The following ITGAE variants were observed in gnomAD, a reference collection of about 807,000 sequenced individuals.
The protein encoded by ITGAE is integrin subunit alpha E.
In ITGAE, 99 loss-of-function variants were observed where a neutral mutation model predicts 136.5. The ratio of observed to expected loss-of-function variants is 0.73; its 90% CI spans 0.62 to 0.86. The LOEUF (loss-of-function observed/expected upper bound fraction) is 0.86. Among genes scored for constraint, ITGAE ranks in the 40% least tolerant of loss-of-function variants. The pLI, the probability that ITGAE is intolerant of heterozygous loss-of-function variation, is 0.00. For missense variants in ITGAE, 1,447 were observed against 1,515.3 expected, an observed-to-expected ratio of 0.95 and a Z score of 0.75; for synonymous variants, 613 against 591.8, an observed-to-expected ratio of 1.04 and a Z score of -0.52.
At chr17:3,776,585 G>A (rs2052545031) in intron 2 of ITGAE, among the ~76,000 whole-genome samples, 1 of 152,100 alleles carries the variant, frequency 6.6e-6, no homozygotes, top group African/African-American at 2.4e-5. Context: ...TAGTTTCAGG[G>A]TTTTTGTTCT....
chr17:3,727,651 G>A (rs1234032795), intron 26 of ITGAE, among the ~76,000 whole-genome samples: 2 of 151,952 alleles, frequency 1.3e-5, no homozygotes, highest in Non-Finnish European at 2.9e-5. Flanking sequence ...CACCCGCCTC[G>A]GCCTCCCAAA....
chr17:3,739,797 C>T lies in ITGAE; in HGVS notation c.2522+8G>A, dbSNP rs749413240. 1 of 1,613,198 alleles carries T rather than the reference C, an allele frequency of 6.2e-7. No homozygotes were observed. The highest frequency in any genetic ancestry group is 1.1e-5 in the South Asian group (1 of 91,072). On this transcript the variant is annotated splice_region_variant and intron_variant, in intron 20 of 30. Transcript: ENST00000263087. ...AATCGAGGAAACTGACGGCTATGTC[C>T]AACTCACTGAGAGACGGTGGTGGCC...
intron 26 of ITGAE, chr17:3,724,355 C>T (rs1246257599): frequency 6.3e-7 from 1 of 1,599,970 alleles, no homozygotes; most frequent in Non-Finnish European, 8.5e-7. Context: ...CCTTCCCCAG[C>T]CGCGACTCCG....
Position 3,746,028 on chromosome 17 carries a change from A to T in ITGAE, c.2156-101T>A. The T allele has an allele frequency of 2.8e-6, 3 of 1,060,496 alleles. No homozygotes were observed. The South Asian group carries it at 4.6e-5, about 16-fold the overall frequency. The allele number at this position is 1,060,496 out of a possible 1,614,324, so 65.7% of individuals were successfully genotyped here. On this transcript the variant is annotated intron_variant, in intron 17 of 30. Coordinates refer to ENST00000263087, the MANE Select transcript of ITGAE (RefSeq NM_002208.5). ...AGGTTCCTTGTGGCCCCTCCTGAAC[A>T]GTGTCCCCATGCAGGTACTTCCCTG...
chr17:3,770,286 A>C (rs539969253), intron 2 of ITGAE, among the ~76,000 whole-genome samples: 88 of 149,422 alleles, frequency 5.9e-4, no homozygotes, highest in Non-Finnish European at 1.1e-3. Context: ...TGCCCAGCTA[A>C]ATTTTTTTTT....
At chr17:3,781,657 T>C (rs1296418419) in intron 1 of ITGAE, among the ~76,000 whole-genome samples, 1 of 152,204 alleles carries the variant, frequency 6.6e-6, no homozygotes, top group Non-Finnish European at 1.5e-5. Context: ...GCCCGGTCTC[T>C]TCTTTAATTT....
Position 3,757,823 on chromosome 17 carries a change from T to G in ITGAE, c.903A>C (p.Arg301Ser). 6.2e-7 allele frequency: 1 copy of G among 1,614,128 alleles called. No homozygotes were observed. Among genetic ancestry groups the G allele is most frequent in the African/African-American group, 1.3e-5 (1 of 75,024 alleles). Residue 301 changes from arginine to serine, a missense_variant, in exon 9 of 31, where the codon AGA becomes AGC. By Grantham distance (110) the Arg-to-Ser change is moderately radical. Transcript: ENST00000263087. The stretch of plus-strand genomic sequence containing the variant: ...GCACCACCATGACCTTGGATGCCTT[T>G]CTCCTGGAGCCGTGGCTTGAGGTGA... Reference protein sequence around the residue: ...SIFTSSHGSRRKASKVMVVLT... With the variant: ...SIFTSSHGSRSKASKVMVVLT...
intron 2 of ITGAE, among the ~76,000 whole-genome samples, chr17:3,773,542 T>C (rs1433252594): frequency 2.5e-5 from 2 of 79,076 alleles, no homozygotes; most frequent in Non-Finnish European, 4.5e-5. Context: ...TAAGGCAAAG[T>C]GGGGGTGAGG....
intron 12 of ITGAE, among the ~76,000 whole-genome samples, 192 bp downstream of exon 12, chr17:3,754,925 G>A (rs1483741951): frequency 7.8e-6 from 1 of 128,354 alleles, no homozygotes; most frequent in Non-Finnish European, 1.6e-5. Flanking sequence ...CACCCAGGTA[G>A]CCCCCAGGCC....
chr17:3,733,672 C>T (rs539851055), intron 21 of ITGAE, among the ~76,000 whole-genome samples: 3 of 152,306 alleles, frequency 2.0e-5, no homozygotes, highest in South Asian at 2.1e-4. Flanking sequence ...CCGCCCGCCT[C>T]GGCCTCCCAA....
At chr17:3,726,298 C>G (rs117580626) in intron 26 of ITGAE, 1 of 1,613,658 alleles carries the variant, frequency 6.2e-7, no homozygotes, top group East Asian at 2.2e-5. Context: ...AGCTCTGCCA[C>G]TGACTTGCTC....
rs66493976 is a variant in ITGAE at position 3,765,348 on chromosome 17, C to CAAAAAA, written c.156-1394_156-1389dup. ...TGGGTGACAGAGCGAGACTCTGTCTCAAAAAAAAAAAAAAAAAAAAAAGGT... is the reference window on the plus strand; with the variant it reads ...TGGGTGACAGAGCGAGACTCTGTCTCAAAAAAAAAAAAAAAAAAAAAAAAAAAAGGT... On this transcript the variant is annotated intron_variant, in intron 2 of 30. Coordinates refer to ENST00000263087, the MANE Select transcript of ITGAE (RefSeq NM_002208.5). Among the ~76,000 whole-genome samples the CAAAAAA allele has an allele frequency of 2.4e-3, 155 of 63,750 alleles. 8 individuals are homozygous for CAAAAAA. Among genetic ancestry groups the CAAAAAA allele is most frequent in the African/African-American group, 0.01 (151 of 14,792 alleles). The allele number at this position is 63,750 out of a possible 152,430, so 41.8% of individuals were successfully genotyped here.
At chr17:3,779,185 C>G (rs953905273) in intron 1 of ITGAE, among the ~76,000 whole-genome samples, 1 of 151,994 alleles carries the variant, frequency 6.6e-6, no homozygotes, top group Non-Finnish European at 1.5e-5. Context: ...TCAGAACACA[C>G]GCAATGAATG....
Position 3,757,739 on chromosome 17 carries a change from G to A in ITGAE, c.987C>T (p.Pro329=), listed in dbSNP as rs529179741. 6.2e-7 allele frequency: 1 copy of A among 1,614,118 alleles called. No homozygotes were observed. The highest frequency in any genetic ancestry group is 2.2e-5 in the East Asian group (1 of 44,882). Residue 329 remains proline, a synonymous_variant, in exon 9 of 31, where the codon CCC becomes CCT. Coordinates refer to ENST00000263087, the MANE Select transcript of ITGAE (RefSeq NM_002208.5). ...CAAAGCGCTCAACACCCTGCATTTT[G>A]GGGGAGTTGATGACTGTCGTAAGGT... ...PLNLTTVINS[P]KMQGVERFAI...
chr17:3,774,322 G>A (rs949184003), intron 2 of ITGAE, among the ~76,000 whole-genome samples: 1 of 152,166 alleles, frequency 6.6e-6, no homozygotes, highest in Non-Finnish European at 1.5e-5. Flanking sequence ...CTCAGTGGGA[G>A]AGTATGCACA....
Position 3,732,541 on chromosome 17 carries a change from T to G in ITGAE, c.2656-75A>C, listed in dbSNP as rs1469631020. On this transcript the variant is annotated intron_variant, in intron 21 of 30. Transcript: ENST00000263087. ...CAAAAACGTGGTTTCCTCACAGCAA[T>G]TCAGCAAACATTCACTAATTTTTCT... 2.4e-6 allele frequency: 3 copies of G among 1,241,886 alleles called. No individual in the cohort carries two copies. The African/African-American group carries it at 4.4e-5, about 18-fold the overall frequency. The allele number at this position is 1,241,886 out of a possible 1,614,324, so 76.9% of individuals were successfully genotyped here. A position where few individuals can be genotyped will look rare whatever the true frequency, so the allele number is the denominator to read the frequency against.
intron 26 of ITGAE, chr17:3,725,805 A>G: frequency 6.2e-7 from 1 of 1,610,426 alleles, no homozygotes; most frequent in Non-Finnish European, 8.5e-7. Flanking sequence ...TTCCTTGGCT[A>G]CTGCAAAGAG....
Position 3,796,121 on chromosome 17 carries a change from CTGTGTGTGCATCCA to C in ITGAE, c.34+4976_34+4989del, listed in dbSNP as rs1200731381. 3.1e-3 allele frequency among the ~76,000 whole-genome samples: 405 copies of C among 131,698 alleles called. 8 individuals are homozygous for C. Among genetic ancestry groups the C allele is most frequent in the African/African-American group, 0.011 (372 of 34,556 alleles). The allele number at this position is 131,698 out of a possible 152,430, so 86.4% of individuals were successfully genotyped here. A position where few individuals can be genotyped will look rare whatever the true frequency, so the allele number is the denominator to read the frequency against. The stretch of plus-strand genomic sequence containing the variant: ...TGTGTGTGCATCCCTGTGTGCATCC[CTGTGTGTGCATCCA>C]TGTGTGTGCATCCGTGTGTGTGTGT... On this transcript the variant is annotated intron_variant, in intron 1 of 30. Transcript: ENST00000263087.
At chr17:3,780,177 T>G (rs1171060900) in intron 1 of ITGAE, among the ~76,000 whole-genome samples, 6 of 150,464 alleles carry the variant, frequency 4.0e-5, no homozygotes, top group Non-Finnish European at 7.4e-5. Context: ...ATTTGTTTTT[T>G]TTTTTTTTTT....
Sources: allele counts gnomAD v4.1 joint callset (sites outside exome capture counted in the v4.1 genomes callset), GRCh38; gene constraint gnomAD v4.1.1; transcripts MANE v1.5; gene names NCBI Gene and HGNC (gene_info 2026-07-23, HGNC 2026-07-21).